The following WDR17 variants were observed in gnomAD, a reference collection of about 807,000 sequenced individuals.
The protein encoded by WDR17 is WD repeat domain 17.
WDR17 carries 143 observed loss-of-function variants against 161.7 expected under a neutral mutation model. The observed-to-expected ratio is 0.88, with a 90% CI of 0.77 to 1.02. The LOEUF is 1.02. Ranked by LOEUF, WDR17 falls within the 50% of genes least tolerant of loss-of-function variation. The pLI, the probability that WDR17 is intolerant of heterozygous loss-of-function variation, is 0.00. For synonymous variants in WDR17, 517 were observed against 515.6 expected, an observed-to-expected ratio of 1.00 and a Z score of -0.04; for missense variants, 1,469 against 1,520.9, an observed-to-expected ratio of 0.97 and a Z score of 0.57.
chr4:176,068,206 C>G (rs35146785), intron 1 of WDR17: 85,791 of 152,044 alleles, frequency 0.56, 24,918 homozygotes, highest in Non-Finnish European at 0.63. Context: ...TTGTATACCT[C>G]TTCCATTGAA....
At chr4:176,085,517 A>G (rs1735313474) in intron 1 of WDR17, among the ~76,000 whole-genome samples, 1 of 152,122 alleles carries the variant, frequency 6.6e-6, no homozygotes, top group Admixed American at 6.5e-5. Context: ...TCATTCTTCT[A>G]TCAACTTTGG....
intron 22 of WDR17, among the ~76,000 whole-genome samples, chr4:176,167,663 A>AACAACAAC (rs1554036567): frequency 7.4e-6 from 1 of 134,766 alleles, no homozygotes; most frequent in Non-Finnish European, 1.6e-5. Context: ...AAAAAAAAAA[A>AACAACAAC]AAAAAAAAAC....
At chr4:176,123,462 C>T (rs1465073458) in intron 4 of WDR17, among the ~76,000 whole-genome samples, 1 of 152,122 alleles carries the variant, frequency 6.6e-6, no homozygotes, top group Admixed American at 6.5e-5. Flanking sequence ...GTTGTTAAGC[C>T]CCAGCTTATT....
At chr4:176,079,631 A>G (rs1285930555) in intron 1 of WDR17, among the ~76,000 whole-genome samples, 5 of 152,148 alleles carry the variant, frequency 3.3e-5, no homozygotes, top group African/African-American at 1.2e-4. Flanking sequence ...TATTCTTTAT[A>G]CCTACATACA....
intron 1 of WDR17, among the ~76,000 whole-genome samples, chr4:176,078,887 A>T (rs1561069864): frequency 2.0e-5 from 3 of 152,094 alleles, no homozygotes; most frequent in Non-Finnish European, 4.4e-5. Context: ...GAGCATTCAA[A>T]GTCCTCTCTC....
intron 18 of WDR17, among the ~76,000 whole-genome samples, chr4:176,159,180 A>G (rs1241554523): frequency 6.6e-6 from 1 of 152,162 alleles, no homozygotes; most frequent in Non-Finnish European, 1.5e-5. Flanking sequence ...TTATTTTTAA[A>G]CAAAACTGAG....
intron 1 of WDR17, among the ~76,000 whole-genome samples, chr4:176,082,490 T>A (rs934634524): frequency 3.3e-5 from 5 of 152,052 alleles, no homozygotes; most frequent in African/African-American, 1.2e-4. Context: ...AATGCAACAT[T>A]ACAGTGGCTT....
chr4:176,074,238 T>C (rs1733648579), intron 1 of WDR17, among the ~76,000 whole-genome samples: 1 of 151,958 alleles, frequency 6.6e-6, no homozygotes, highest in Non-Finnish European at 1.5e-5. Flanking sequence ...GTTTTAGGTC[T>C]AACATGTAAG....
intron 28 of WDR17, among the ~76,000 whole-genome samples, chr4:176,179,030 T>C (rs904572177): frequency 2.6e-5 from 4 of 152,188 alleles, no homozygotes; most frequent in Admixed American, 6.5e-5. Flanking sequence ...GGAGAGCACA[T>C]ATAAAGTTTC....
In WDR17 at chr4:176,141,972, A is replaced by G; in HGVS notation, c.1443-11A>G. The G allele has an allele frequency of 6.4e-7, 1 of 1,558,100 alleles. No individual in the cohort carries two copies. Among genetic ancestry groups the G allele is most frequent in the Non-Finnish European group, 8.8e-7 (1 of 1,141,938 alleles). ...ATTGTTTTTCTATTAACATATTATA[A>G]TTAATTCTAGTATTATTCGAACAAT... On this transcript the variant is annotated splice_polypyrimidine_tract_variant and intron_variant, in intron 10 of 28. Coordinates refer to ENST00000508596, the MANE Select transcript of WDR17 (RefSeq NM_181265.4).
intron 17 of WDR17, among the ~76,000 whole-genome samples, chr4:176,153,779 A>G (rs1747616460): frequency 1.3e-5 from 2 of 152,220 alleles, no homozygotes; most frequent in Non-Finnish European, 2.9e-5. Flanking sequence ...TACTTTCCAT[A>G]TACTTCAAGA....
At chr4:176,114,292 T>C (rs554845792) in intron 2 of WDR17, among the ~76,000 whole-genome samples, 79 of 152,214 alleles carry the variant, frequency 5.2e-4, no homozygotes, top group African/African-American at 1.7e-3. Flanking sequence ...GCTGCAGTGC[T>C]AATCAAATGA....
intron 25 of WDR17, among the ~76,000 whole-genome samples, chr4:176,174,372 A>G (rs143742736): frequency 5.5e-4 from 84 of 152,296 alleles, no homozygotes; most frequent in African/African-American, 1.9e-3. Context: ...CAGAACAACA[A>G]GCAGGCAACA....
intron 17 of WDR17, among the ~76,000 whole-genome samples, chr4:176,152,652 G>A (rs1357690077): frequency 1.3e-5 from 2 of 148,314 alleles, no homozygotes; most frequent in Non-Finnish European, 3.0e-5. Context: ...CCTGCGTGCT[G>A]GCTCACACTT....
intron 4 of WDR17, among the ~76,000 whole-genome samples, chr4:176,120,992 A>T (rs1485324132): frequency 6.6e-6 from 1 of 152,188 alleles, no homozygotes; most frequent in Non-Finnish European, 1.5e-5. Flanking sequence ...TATTCTAAAT[A>T]CATTTTAAAT....
intron 7 of WDR17, 123 bp from the exon 8 acceptor site, chr4:176,134,985 A>T: frequency 1.1e-6 from 1 of 904,352 alleles, no homozygotes; most frequent in Non-Finnish European, 1.7e-6. Flanking sequence ...TCTTGCCTAT[A>T]TATTTTTGCA....
chr4:176,160,025 G>A lies in WDR17; in HGVS notation c.2557G>A (p.Asp853Asn), dbSNP rs533783388. ...RADQLIQEDKDDVIPYCIAIG... is the reference protein window; with the variant it reads ...RADQLIQEDKNDVIPYCIAIG... ...TGACCAATTAATCCAGGAAGATAAG[G>A]ATGATGTCATTCCATACTGCATAGC... Residue 853 changes from aspartate to asparagine, a missense_variant, in exon 19 of 29, where the codon GAT becomes AAT. Coordinates refer to ENST00000508596, the MANE Select transcript of WDR17 (RefSeq NM_181265.4). 1.5e-4 allele frequency: 239 copies of A among 1,611,116 alleles called. No individual in the cohort carries two copies. The highest frequency in any genetic ancestry group is 1.9e-4 in the Non-Finnish European group (229 of 1,178,190).
chr4:176,111,817 AT>A, intron 2 of WDR17, 114 bp downstream of exon 2: 1 of 1,034,480 alleles, frequency 9.7e-7, no homozygotes, highest in Non-Finnish European at 1.3e-6. Context: ...TTCCATTTAT[AT>A]TTATATTTTT....
At chr4:176,074,496 A>C (rs1248573636) in intron 1 of WDR17, among the ~76,000 whole-genome samples, 1 of 151,904 alleles carries the variant, frequency 6.6e-6, no homozygotes, top group Non-Finnish European at 1.5e-5. Flanking sequence ...TCACTTTGTC[A>C]TCCAGGCTAA....
Sources: allele counts gnomAD v4.1 joint callset (sites outside exome capture counted in the v4.1 genomes callset), GRCh38; gene constraint gnomAD v4.1.1; transcripts MANE v1.5; gene names NCBI Gene and HGNC (gene_info 2026-07-23, HGNC 2026-07-21).